The following BCL9 variants were observed in gnomAD, a reference collection of about 807,000 sequenced individuals.
BCL9 encodes BCL9 transcription coactivator.
BCL9 carries 25 observed loss-of-function variants against 88.5 expected under a neutral mutation model. That is an observed-to-expected ratio of 0.28 (90% CI 0.21 to 0.39). The LOEUF (loss-of-function observed/expected upper bound fraction) is 0.39. Among genes scored for constraint, BCL9 ranks in the 10% least tolerant of loss-of-function variants. The pLI is 1.00. For missense variants in BCL9, 1,817 were observed against 1,877.8 expected, an observed-to-expected ratio of 0.97 and a Z score of 0.60; for synonymous variants, 711 against 673.3, an observed-to-expected ratio of 1.06 and a Z score of -0.87.
chr1:147,596,159 G>A (rs1264491540), intron 1 of BCL9, among the ~76,000 whole-genome samples: 2 of 152,178 alleles, frequency 1.3e-5, no homozygotes, highest in African/African-American at 4.8e-5. Flanking sequence ...CTCAGGTGAA[G>A]CTGCAGGAGG....
chr1:147,578,865 C>CT (rs71791821), intron 1 of BCL9, among the ~76,000 whole-genome samples: 124,806 of 150,504 alleles, frequency 0.83, 56,458 homozygotes, highest in East Asian at 1. Context: ...GGTTTTCTTT[C>CT]TTTTTTTTTC....
chr1:147,589,570 C>A (rs1306477206), intron 1 of BCL9, among the ~76,000 whole-genome samples: 1 of 152,194 alleles, frequency 6.6e-6, no homozygotes, highest in Non-Finnish European at 1.5e-5. Context: ...TAAATGAAAT[C>A]ATGCAATATG....
intron 1 of BCL9, among the ~76,000 whole-genome samples, chr1:147,576,088 T>A (rs181347777): frequency 6.6e-6 from 1 of 152,142 alleles, no homozygotes; most frequent in Non-Finnish European, 1.5e-5. Context: ...TAGATCAGAA[T>A]GGAGCCAATG....
chr1:147,546,863 A>C (rs1335035445), intron 1 of BCL9, among the ~76,000 whole-genome samples: 1 of 152,244 alleles, frequency 6.6e-6, no homozygotes, highest in Non-Finnish European at 1.5e-5. Context: ...ACACATGTGC[A>C]AGAGACCAAA....
At chr1:147,611,329 C>T (rs1207054132) in intron 3 of BCL9, among the ~76,000 whole-genome samples, 1 of 152,198 alleles carries the variant, frequency 6.6e-6, no homozygotes, top group African/African-American at 2.4e-5. Context: ...CCTGCTCACC[C>T]TTGCCTGGTC....
intron 2 of BCL9, among the ~76,000 whole-genome samples, chr1:147,605,183 A>G (rs946307429): frequency 2.6e-5 from 4 of 152,230 alleles, no homozygotes; most frequent in Non-Finnish European, 5.9e-5. Flanking sequence ...TTATCATACC[A>G]TCGTTGTGTG....
intron 1 of BCL9, among the ~76,000 whole-genome samples, chr1:147,599,489 C>A (rs1043448488): frequency 2.6e-4 from 35 of 135,504 alleles, no homozygotes; most frequent in Admixed American, 5.9e-4. Flanking sequence ...CTTTCCTGGC[C>A]CCCCGCCCCC....
chr1:147,546,541 A>G (rs947808687), intron 1 of BCL9, among the ~76,000 whole-genome samples: 1 of 152,016 alleles, frequency 6.6e-6, no homozygotes, highest in Non-Finnish European at 1.5e-5. Context: ...ACTTCTCTAG[A>G]CCTCTCAGAA....
intron 3 of BCL9, among the ~76,000 whole-genome samples, chr1:147,609,663 A>T (rs1212122580): frequency 6.6e-6 from 1 of 152,252 alleles, no homozygotes; most frequent in African/African-American, 2.4e-5. Flanking sequence ...CTTTGCTACC[A>T]GCTCATCATA....
At chr1:147,542,066 A>C (rs594132) in intron 1 of BCL9, among the ~76,000 whole-genome samples, 61,135 of 152,104 alleles carry the variant, frequency 0.4, 14,964 homozygotes, top group African/African-American at 0.69. Flanking sequence ...CGAGCTGTGC[A>C]TTCTCAGGCT....
chr1:147,550,202 G>A (rs782043937), intron 1 of BCL9, among the ~76,000 whole-genome samples: 2 of 152,278 alleles, frequency 1.3e-5, no homozygotes, highest in Middle Eastern at 3.4e-3. Context: ...AGTCTAGGAT[G>A]TTGTGGTAAA....
At chr1:147,565,321 T>C (rs1553196561) in intron 1 of BCL9, among the ~76,000 whole-genome samples, 1 of 152,216 alleles carries the variant, frequency 6.6e-6, no homozygotes, top group East Asian at 1.9e-4. Context: ...TTCCCACTAC[T>C]GATTCCACAA....
At chr1:147,623,284 A>G (rs1658742280) in intron 9 of BCL9, among the ~76,000 whole-genome samples, 1 of 152,166 alleles carries the variant, frequency 6.6e-6, no homozygotes, top group South Asian at 2.1e-4. Context: ...CAAATACTTC[A>G]ATGTCCCAGG....
intron 1 of BCL9, among the ~76,000 whole-genome samples, chr1:147,583,534 T>TAA (rs879963448): frequency 6.6e-6 from 1 of 151,968 alleles, no homozygotes; most frequent in Non-Finnish European, 1.5e-5. Flanking sequence ...TACCTTGGCC[T>TAA]CCCAAAGTGC....
intron 1 of BCL9, among the ~76,000 whole-genome samples, chr1:147,579,649 T>C (rs1656274118): frequency 6.6e-6 from 1 of 152,152 alleles, no homozygotes; most frequent in South Asian, 2.1e-4. Flanking sequence ...AGTAAATGTG[T>C]TTATGGTTTG....
At chr1:147,578,871 T>TC (rs1235215694) in intron 1 of BCL9, among the ~76,000 whole-genome samples, 24 of 151,282 alleles carry the variant, frequency 1.6e-4, no homozygotes, top group Admixed American at 1.6e-3. Flanking sequence ...CTTTCTTTTT[T>TC]TTTCTTTTTT....
intron 1 of BCL9, among the ~76,000 whole-genome samples, chr1:147,547,564 G>A (rs2101463048): frequency 6.6e-6 from 1 of 152,232 alleles, no homozygotes; most frequent in South Asian, 2.1e-4. Flanking sequence ...AAAATAGTAT[G>A]TAAGATATAA....
intron 1 of BCL9, among the ~76,000 whole-genome samples, chr1:147,601,244 T>C (rs1553201245): frequency 6.6e-6 from 1 of 152,144 alleles, no homozygotes; most frequent in African/African-American, 2.4e-5. Context: ...CTAGATAAGT[T>C]AGAGAAATGG....
intron 1 of BCL9, among the ~76,000 whole-genome samples, chr1:147,570,885 T>A (rs587644389): frequency 4.9e-4 from 74 of 152,298 alleles, no homozygotes; most frequent in African/African-American, 1.4e-3. Context: ...TCTGCCTGCC[T>A]CAGCCTCCCA....
Sources: gnomAD v4.1 joint callset for allele counts (sites outside exome capture counted in the v4.1 genomes callset) on GRCh38, gnomAD v4.1.1 for gene constraint, MANE v1.5 for transcripts, NCBI Gene and HGNC (gene_info 2026-07-23, HGNC 2026-07-21) for gene names.